Variants in LRRK1 observed in about 807,000 individuals in gnomAD.
LRRK1 encodes leucine rich repeat kinase 1.
A neutral mutation model predicts 209.1 loss-of-function variants in LRRK1; 113 were observed. That is an observed-to-expected ratio of 0.54 (90% CI 0.46 to 0.63). LRRK1 has a LOEUF of 0.63. Ranked by LOEUF, LRRK1 falls within the 30% of genes least tolerant of loss-of-function variation. The pLI, the probability that LRRK1 is intolerant of heterozygous loss-of-function variation, is 0.00. For synonymous variants in LRRK1, 1,144 were observed against 1,099.7 expected, an observed-to-expected ratio of 1.04 and a Z score of -0.80; for missense variants, 2,284 against 2,632.2, an observed-to-expected ratio of 0.87 and a Z score of 2.89.
intron 20 of LRRK1, among the ~76,000 whole-genome samples, chr15:101,035,870 C>T (rs1212078713): frequency 5.3e-5 from 8 of 152,166 alleles, no homozygotes; most frequent in African/African-American, 1.2e-4. Context: ...TGTTAAATGT[C>T]ACTTTTCTTT....
intron 2 of LRRK1, among the ~76,000 whole-genome samples, chr15:100,972,917 T>TACACACACACACACACACACACAC (rs10629976): frequency 8.1e-6 from 1 of 123,826 alleles, no homozygotes; most frequent in Non-Finnish European, 2.0e-5. Flanking sequence ...CGAAAAACTG[T>TACACACACACACACACACACACAC]ACACACACAC....
At chr15:100,987,903 A>G (rs1160714254) in intron 4 of LRRK1, among the ~76,000 whole-genome samples, 1 of 152,192 alleles carries the variant, frequency 6.6e-6, no homozygotes, top group Non-Finnish European at 1.5e-5. Flanking sequence ...AGAAAATACC[A>G]CAATGCTGGG....
intron 4 of LRRK1, among the ~76,000 whole-genome samples, chr15:100,985,040 T>C (rs1410966196): frequency 1.3e-5 from 2 of 152,370 alleles, no homozygotes; most frequent in African/African-American, 2.4e-5. Context: ...TCATTTTGCA[T>C]TGGGCCTCAC....
intron 6 of LRRK1, among the ~76,000 whole-genome samples, chr15:100,993,969 C>T (rs2032283176): frequency 6.6e-6 from 1 of 152,174 alleles, no homozygotes; most frequent in African/African-American, 2.4e-5. Context: ...GGCAGCTGTG[C>T]ACTTAGCACA....
At chr15:100,954,206 G>T (rs913292893) in intron 2 of LRRK1, among the ~76,000 whole-genome samples, 28 of 152,138 alleles carry the variant, frequency 1.8e-4, no homozygotes, top group Non-Finnish European at 1.2e-4. Context: ...GAGTCACCGT[G>T]CCCGGCCTAA....
intron 12 of LRRK1, among the ~76,000 whole-genome samples, chr15:101,018,270 A>G (rs1196536549): frequency 1.3e-5 from 2 of 152,200 alleles, no homozygotes; most frequent in Non-Finnish European, 2.9e-5. Flanking sequence ...GAGGGCCAGG[A>G]AACAAATGAA....
Position 101,022,530 on chromosome 15 carries a change from T to G in LRRK1, c.2000T>G (p.Val667Gly). The stretch of plus-strand genomic sequence containing the variant: ...CAGACGGGGAGGGCCCCCCAGGTGG[T>G]GCATGGAGAGGCCACCATCAGGACC... ...ILQTGRAPQV[V>G]HGEATIRTTK... Residue 667 changes from valine (V) to glycine (G), a missense_variant, in exon 15 of 34, where the codon GTG (valine) becomes GGG (glycine). Around this residue, in one of 6 missense-constraint regions of LRRK1, gnomAD observed 494 missense variants for 522.1 expected, o/e 0.95. Transcript: ENST00000388948. The surrounding 1 kb of genome is among the most constrained non-coding windows in gnomAD (Gnocchi z 4.0). 6.2e-7 allele frequency: 1 copy of G among 1,614,038 alleles called. No individual in the cohort carries two copies. Among genetic ancestry groups the G allele is most frequent in the African/African-American group, 1.3e-5 (1 of 75,038 alleles).
intron 31 of LRRK1, chr15:101,064,712 C>A (rs1010983932): frequency 6.6e-6 from 1 of 151,690 alleles, no homozygotes. Context: ...GAAGCGATTT[C>A]TTCCAGAATT....
intron 6 of LRRK1, among the ~76,000 whole-genome samples, chr15:100,991,227 G>A (rs1029497461): frequency 1.5e-4 from 23 of 152,128 alleles, no homozygotes; most frequent in African/African-American, 1.4e-4. Flanking sequence ...ATATTGTTTC[G>A]ATTATAGGCA....
In LRRK1 at chr15:101,068,900, C is replaced by G; in HGVS notation, c.*52C>G. On this transcript the variant is annotated 3_prime_UTR_variant, in exon 34 of 34. Transcript: ENST00000388948. ...AGAGCTGGCTGGCCCGGGGCTGCAG[C>G]CTGACCCCTCTGCCATCGGCCTCTA... 1.3e-6 allele frequency: 2 copies of G among 1,502,854 alleles called. No homozygotes were observed. Among genetic ancestry groups the G allele is most frequent in the South Asian group, 1.3e-5 (1 of 76,974 alleles). 93.1% of individuals were successfully genotyped at this position (1,502,854 alleles called of 1,614,324 possible).
chr15:100,948,394 T>G (rs531975799), intron 2 of LRRK1, among the ~76,000 whole-genome samples: 1 of 152,334 alleles, frequency 6.6e-6, no homozygotes, highest in African/African-American at 2.4e-5. Flanking sequence ...ACGGAGGTCA[T>G]GAAAGGGATG....
At chr15:100,923,762 TTGCAAATAGCAGTCC>T (rs1443247487) in intron 1 of LRRK1, among the ~76,000 whole-genome samples, 1 of 152,200 alleles carries the variant, frequency 6.6e-6, no homozygotes, top group African/African-American at 2.4e-5. Flanking sequence ...TAATTCTTTG[TTGCAAATAGCAGTCC>T]TGTACATTGT....
intron 6 of LRRK1, among the ~76,000 whole-genome samples, chr15:100,990,200 T>C (rs2032084308): frequency 6.6e-6 from 1 of 152,240 alleles, no homozygotes; most frequent in African/African-American, 2.4e-5. Flanking sequence ...TTTTTAAATT[T>C]AGTATTCTAT....
At chr15:101,067,260 T>G (rs919275318) in intron 33 of LRRK1, 2 of 456,168 alleles carry the variant, frequency 4.4e-6, no homozygotes, top group Non-Finnish European at 8.8e-6. Flanking sequence ...GTCTCCTCTG[T>G]GAAGGTATGC....
chr15:101,016,552 T>C (rs745723737), intron 12 of LRRK1, among the ~76,000 whole-genome samples: 3 of 152,136 alleles, frequency 2.0e-5, no homozygotes, highest in Non-Finnish European at 4.4e-5. Context: ...CTAAACCTAA[T>C]TACAGCTCAA....
chr15:100,951,404 T>C (rs1319936988), intron 2 of LRRK1, among the ~76,000 whole-genome samples: 4 of 152,070 alleles, frequency 2.6e-5, no homozygotes, highest in Non-Finnish European at 5.9e-5. Flanking sequence ...ATTTTGAACA[T>C]GCAATTACCA....
At chr15:101,034,685 T>C (rs367694184) in intron 20 of LRRK1, among the ~76,000 whole-genome samples, 1 of 152,146 alleles carries the variant, frequency 6.6e-6, no homozygotes, top group East Asian at 1.9e-4. Context: ...AGTCAGATAG[T>C]GTGATTCCTC....
intron 12 of LRRK1, among the ~76,000 whole-genome samples, chr15:101,016,384 C>G (rs539340574): frequency 3.9e-4 from 59 of 152,064 alleles, no homozygotes; most frequent in Non-Finnish European, 7.1e-4. Context: ...CAGGGTTTCA[C>G]CATGTTGGCC....
chr15:100,941,398 GTC>G (rs1567190933), intron 2 of LRRK1, among the ~76,000 whole-genome samples: 2 of 141,698 alleles, frequency 1.4e-5, no homozygotes, highest in African/African-American at 5.8e-5. Flanking sequence ...CTCTGTGTGT[GTC>G]TGTGTGTGTC....
Sources: gnomAD v4.1 joint callset for allele counts (sites outside exome capture counted in the v4.1 genomes callset) on GRCh38, gnomAD v4.1.1 for gene constraint, gnomAD v4.1.1 regional missense constraint, Gnocchi (gnomAD v3.1) non-coding constraint, MANE v1.5 for transcripts, NCBI Gene and HGNC (gene_info 2026-07-23, HGNC 2026-07-21) for gene names.